Variants in IL1RAPL1 observed in about 807,000 individuals in gnomAD.
The protein encoded by IL1RAPL1 is interleukin-1 receptor accessory protein-like 1.
IL1RAPL1 carries 3 observed loss-of-function variants against 48.4 expected under a neutral mutation model. The ratio of observed to expected loss-of-function variants is 0.06; its 90% CI spans 0.03 to 0.16. The LOEUF (loss-of-function observed/expected upper bound fraction) is 0.16. Ranked by LOEUF, IL1RAPL1 falls within the 10% of genes least tolerant of loss-of-function variation. The probability of loss-of-function intolerance (pLI) is 1.00; values close to 1 mark genes in which losing one functional copy is unlikely to be tolerated. For synonymous variants in IL1RAPL1, 185 were observed against 187.7 expected (o/e 0.99, Z 0.12); for missense variants, 349 against 530.6 (o/e 0.66, Z 3.36).
At chrX:28,674,656 G>A (rs1934980176) in intron 1 of IL1RAPL1, among the ~76,000 whole-genome samples, 1 of 111,465 alleles carries the variant, frequency 9.0e-6, no homozygotes, top group Non-Finnish European at 1.9e-5. Flanking sequence ...GGTCCTCTTG[G>A]AGATATATTT....
chrX:28,625,297 A>G (rs1451627156), intron 1 of IL1RAPL1, among the ~76,000 whole-genome samples: 1 of 111,754 alleles, frequency 8.9e-6, no homozygotes, highest in Non-Finnish European at 1.9e-5. Flanking sequence ...TTTCTATTTA[A>G]ATAGTTATCC....
chrX:29,405,017 A>T (rs1244051594), intron 5 of IL1RAPL1, among the ~76,000 whole-genome samples: 1 of 109,303 alleles, frequency 9.1e-6, no homozygotes, highest in Non-Finnish European at 1.9e-5. Flanking sequence ...GGGTTCAAGT[A>T]ATTCTCCTGC....
chrX:29,396,026 C>T (rs1182217446), intron 3 of IL1RAPL1, among the ~76,000 whole-genome samples: 1 of 112,190 alleles, frequency 8.9e-6, no homozygotes, highest in Non-Finnish European at 1.9e-5. Flanking sequence ...GAATGTAAAA[C>T]AAAACTTTTT....
chrX:29,115,544 G>T (rs1928661356), intron 2 of IL1RAPL1, among the ~76,000 whole-genome samples: 1 of 107,294 alleles, frequency 9.3e-6, no homozygotes, highest in Non-Finnish European at 1.9e-5. Flanking sequence ...TTATATGTTA[G>T]CTTTCTTTTA....
chrX:28,655,969 G>A (rs1289869296), intron 1 of IL1RAPL1, among the ~76,000 whole-genome samples: 3 of 111,206 alleles, frequency 2.7e-5, no homozygotes, highest in Non-Finnish European at 5.7e-5. Context: ...GAAGGCCAGA[G>A]GTAATCGATT....
chrX:28,980,555 C>T (rs1406272944), intron 2 of IL1RAPL1, among the ~76,000 whole-genome samples: 1 of 111,766 alleles, frequency 8.9e-6, no homozygotes, highest in Non-Finnish European at 1.9e-5. Flanking sequence ...CACCTTCTGC[C>T]ACATTGTCCA....
intron 6 of IL1RAPL1, among the ~76,000 whole-genome samples, chrX:29,725,114 A>G (rs1022270039): frequency 9.0e-6 from 1 of 111,226 alleles, no homozygotes; most frequent in African/African-American, 3.3e-5. Flanking sequence ...AAGGGCTGAA[A>G]AAAAAAGTTA....
intron 5 of IL1RAPL1, among the ~76,000 whole-genome samples, chrX:29,430,386 C>T (rs1007068772): frequency 1.8e-5 from 2 of 111,144 alleles, no homozygotes; most frequent in Admixed American, 9.6e-5. Flanking sequence ...CAGGCCTCTT[C>T]TCCATTAGGT....
chrX:29,563,753 TAG>T (rs1350574906), intron 5 of IL1RAPL1, among the ~76,000 whole-genome samples: 1 of 112,138 alleles, frequency 8.9e-6, no homozygotes, highest in Non-Finnish European at 1.9e-5. Flanking sequence ...TCATCTTATT[TAG>T]AGTTATTATC....
chrX:28,857,294 C>T (rs1345283840), intron 2 of IL1RAPL1, among the ~76,000 whole-genome samples: 1 of 112,144 alleles, frequency 8.9e-6, no homozygotes, highest in African/African-American at 3.2e-5. Context: ...GTAGAAGCTG[C>T]AGCAAGTTGT....
chrX:29,684,321 G>C (rs1450727959), intron 6 of IL1RAPL1, among the ~76,000 whole-genome samples: 2 of 111,318 alleles, frequency 1.8e-5, no homozygotes, highest in Non-Finnish European at 3.8e-5. Flanking sequence ...CCATAGTGGA[G>C]GAAGCAAAGC....
intron 3 of IL1RAPL1, among the ~76,000 whole-genome samples, chrX:29,337,338 TTTATC>T (rs1234108908): frequency 1.5e-4 from 17 of 112,239 alleles, no homozygotes; most frequent in African/African-American, 5.2e-4. Flanking sequence ...TGTGGACTAT[TTTATC>T]TTAAAGCATT....
intron 3 of IL1RAPL1, among the ~76,000 whole-genome samples, chrX:29,328,903 T>C (rs1424549213): frequency 9.0e-6 from 1 of 111,206 alleles, no homozygotes; most frequent in African/African-American, 3.3e-5. Flanking sequence ...TAGTATGATT[T>C]ACTATTAAAA....
intron 6 of IL1RAPL1, among the ~76,000 whole-genome samples, chrX:29,801,023 A>C (rs1283185608): frequency 1.6e-4 from 12 of 75,488 alleles, no homozygotes; most frequent in Non-Finnish European, 2.5e-4. Context: ...AAAAAAAAAA[A>C]AAAAAAAAAA....
intron 2 of IL1RAPL1, among the ~76,000 whole-genome samples, chrX:28,959,163 C>T: frequency 9.7e-6 from 1 of 102,752 alleles, no homozygotes; most frequent in Non-Finnish European, 2.0e-5. Flanking sequence ...TTTAGATTGA[C>T]ACTTTATTGT....
rs754005469 is a variant in IL1RAPL1 at position 29,462,208 on chromosome X, A to G, written c.703+62900A>G. On this transcript the variant is annotated intron_variant, in intron 5 of 10. Coordinates refer to ENST00000378993, the MANE Select transcript of IL1RAPL1 (RefSeq NM_014271.4). The stretch of plus-strand genomic sequence containing the variant: ...TTGTATGGTTCTATTTATGGCAAAC[A>G]GAAGGAAACTTTTTACAGTGAAACT... 1.5e-4 allele frequency among the ~76,000 whole-genome samples: 17 copies of G among 111,757 alleles called. No homozygotes were observed. In the South Asian group the frequency reaches 6.4e-3, roughly 42 times the overall value.
chrX:28,857,416 T>A (rs936858790), intron 2 of IL1RAPL1, among the ~76,000 whole-genome samples: 2 of 111,614 alleles, frequency 1.8e-5, no homozygotes, highest in African/African-American at 6.5e-5. Context: ...TTTTCATAGC[T>A]AGAGAGGAGA....
chrX:29,449,185 A>T lies in IL1RAPL1; in HGVS notation c.703+49877A>T. On this transcript the variant is annotated intron_variant, in intron 5 of 10. Transcript: ENST00000378993. ...AAACCGCGATAGAGATAGCTTTAAA[A>T]CTTTCCCAAGATTAGTGGCTGCAGG... Among the ~76,000 whole-genome samples the T allele has an allele frequency of 2.7e-5, 3 of 111,816 alleles. 1 individual carries two copies. The Middle Eastern group carries it at 0.014, about 515-fold the overall frequency.
chrX:28,756,321 T>G (rs2147248516), intron 1 of IL1RAPL1, among the ~76,000 whole-genome samples: 1 of 111,799 alleles, frequency 8.9e-6, no homozygotes, highest in Admixed American at 9.5e-5. Context: ...TAATTTTTAT[T>G]TTACTAGTGG....
Sources: gnomAD v4.1 joint callset for allele counts (sites outside exome capture counted in the v4.1 genomes callset) on GRCh38, gnomAD v4.1.1 for gene constraint, MANE v1.5 for transcripts, NCBI Gene and HGNC (gene_info 2026-07-23, HGNC 2026-07-21) for gene names.